Variants in NEXMIF observed in about 807,000 individuals in gnomAD.
NEXMIF encodes the protein neurite extension and migration factor.
A neutral mutation model predicts 62.1 loss-of-function variants in NEXMIF; 8 were observed. The observed-to-expected ratio is 0.13, with a 90% CI of 0.08 to 0.23. The LOEUF (loss-of-function observed/expected upper bound fraction) is 0.23, where lower values mean the gene tolerates loss of function less well. Among genes scored for constraint, NEXMIF ranks in the 10% least tolerant of loss-of-function variants. The pLI is 1.00. For synonymous variants in NEXMIF, 404 were observed against 416.6 expected (o/e 0.97, Z 0.37); for missense variants, 976 against 1,113.3 (o/e 0.88, Z 1.75).
intron 1 of NEXMIF, among the ~76,000 whole-genome samples, chrX:74,758,916 C>A (rs1039819947): frequency 8.9e-6 from 1 of 112,158 alleles, no homozygotes; most frequent in Non-Finnish European, 1.9e-5. Flanking sequence ...TGCATATATA[C>A]CCAGTAATGG....
At chrX:74,870,259 G>T (rs1344446164) in intron 1 of NEXMIF, among the ~76,000 whole-genome samples, 5 of 110,882 alleles carry the variant, frequency 4.5e-5, no homozygotes, top group African/African-American at 1.6e-4. Context: ...GGGGAAACTG[G>T]ATATCCATAT....
chrX:74,882,646 A>G (rs1373798350), intron 1 of NEXMIF, among the ~76,000 whole-genome samples: 1 of 112,160 alleles, frequency 8.9e-6, no homozygotes, highest in Admixed American at 9.4e-5. Flanking sequence ...CGAAGTGTCC[A>G]GGAAGCTCGA....
At chrX:74,836,458 T>C (rs2080456880) in intron 1 of NEXMIF, among the ~76,000 whole-genome samples, 1 of 111,980 alleles carries the variant, frequency 8.9e-6, no homozygotes, top group Non-Finnish European at 1.9e-5. Context: ...ACTAGGGTAT[T>C]GGTGCTGGTT....
chrX:74,919,736 T>C (rs2080820040), intron 1 of NEXMIF, among the ~76,000 whole-genome samples: 1 of 111,080 alleles, frequency 9.0e-6, no homozygotes, highest in South Asian at 3.9e-4. Flanking sequence ...TAACTCATCA[T>C]TTAGCATTAG....
chrX:74,841,214 C>CT (rs892321841), intron 1 of NEXMIF, among the ~76,000 whole-genome samples: 3 of 110,460 alleles, frequency 2.7e-5, no homozygotes, highest in African/African-American at 9.9e-5. Flanking sequence ...AGCTGTATTC[C>CT]TAGGTATTTT....
intron 1 of NEXMIF, among the ~76,000 whole-genome samples, chrX:74,850,479 G>A (rs1019539736): frequency 8.9e-6 from 1 of 111,985 alleles, no homozygotes; most frequent in African/African-American, 3.2e-5. Context: ...TGACAGGTAT[G>A]CTAGGCCTAC....
rs767736972 is a variant in NEXMIF at position 74,876,147 on chromosome X, C to T, written c.-48+48736G>A. On this transcript the variant is annotated intron_variant, in intron 1 of 3. Transcript: ENST00000055682. ...GCATTTAGTGCTATAAATTTCCCTCCACACACTGCTTTGAATGTGTCCCAG... is the reference window on the plus strand; with the variant it reads ...GCATTTAGTGCTATAAATTTCCCTCTACACACTGCTTTGAATGTGTCCCAG... Among the ~76,000 whole-genome samples the T allele has an allele frequency of 2.6e-3, 290 of 109,876 alleles. 3 individuals carry two copies. The highest frequency in any genetic ancestry group is 3.2e-3 in the Non-Finnish European group (170 of 52,583).
rs191317153 is a variant in NEXMIF at position 74,787,350 on chromosome X, A to G, written c.-47-41653T>C. On this transcript the variant is annotated intron_variant, in intron 1 of 3. Coordinates refer to ENST00000055682, the MANE Select transcript of NEXMIF (RefSeq NM_001008537.3). ...GACAGTGTCCCTTCTCTACTTGATC[A>G]ATACCTTCTTTGGCTACTGTTAAGA... Among the ~76,000 whole-genome samples, 339 of 111,059 alleles carry G rather than the reference A, an allele frequency of 3.1e-3. 2 individuals are homozygous for G. Among genetic ancestry groups the G allele is most frequent in the South Asian group, 9.6e-3 (25 of 2,611 alleles).
At chrX:74,853,245 C>T (rs1050193317) in intron 1 of NEXMIF, among the ~76,000 whole-genome samples, 2 of 109,900 alleles carry the variant, frequency 1.8e-5, no homozygotes, top group African/African-American at 6.6e-5. Flanking sequence ...AAAACATAAT[C>T]GGTTTTGTAC....
chrX:74,916,489 G>A (rs2080807333), intron 1 of NEXMIF, among the ~76,000 whole-genome samples: 1 of 111,240 alleles, frequency 9.0e-6, no homozygotes, highest in South Asian at 3.8e-4. Context: ...TGGATAAATG[G>A]GTTATCACGG....
intron 1 of NEXMIF, among the ~76,000 whole-genome samples, chrX:74,829,630 CT>C (rs1306816766): frequency 8.9e-6 from 1 of 111,875 alleles, no homozygotes; most frequent in African/African-American, 3.2e-5. Context: ...AACCTCCAAA[CT>C]GTTCTCCACA....
intron 1 of NEXMIF, among the ~76,000 whole-genome samples, chrX:74,838,648 G>A (rs1197509204): frequency 9.0e-6 from 1 of 111,598 alleles, no homozygotes; most frequent in East Asian, 2.8e-4. Context: ...AGCTTTTGCT[G>A]TGCTCCAAGG....
intron 1 of NEXMIF, among the ~76,000 whole-genome samples, chrX:74,915,819 A>G (rs1440547732): frequency 9.0e-6 from 1 of 111,558 alleles, no homozygotes; most frequent in East Asian, 2.8e-4. Flanking sequence ...CCTAGAAGCC[A>G]GAAAAGCAAG....
At chrX:74,874,997 C>A (rs966363374) in intron 1 of NEXMIF, among the ~76,000 whole-genome samples, 11 of 111,226 alleles carry the variant, frequency 9.9e-5, no homozygotes, top group Non-Finnish European at 1.9e-4. Context: ...CCTTCTCCTG[C>A]CTCATTGCCC....
chrX:74,902,557 G>A (rs2080752455), intron 1 of NEXMIF, among the ~76,000 whole-genome samples: 1 of 110,706 alleles, frequency 9.0e-6, no homozygotes, highest in Non-Finnish European at 1.9e-5. Context: ...TGTAAATGAG[G>A]TCCATTGTAG....
chrX:74,807,216 TC>T (rs1245261832), intron 1 of NEXMIF, among the ~76,000 whole-genome samples: 2 of 112,393 alleles, frequency 1.8e-5, no homozygotes, highest in African/African-American at 3.2e-5. Flanking sequence ...TTGATTTTTT[TC>T]ATCAGAGTTT....
At chrX:74,828,707 T>A (rs953735980) in intron 1 of NEXMIF, among the ~76,000 whole-genome samples, 1 of 112,247 alleles carries the variant, frequency 8.9e-6, no homozygotes, top group African/African-American at 3.2e-5. Context: ...ACAAATTAAG[T>A]TGAAATCACT....
intron 1 of NEXMIF, among the ~76,000 whole-genome samples, chrX:74,889,455 T>G (rs2080709466): frequency 8.9e-6 from 1 of 112,080 alleles, no homozygotes; most frequent in South Asian, 3.7e-4. Flanking sequence ...AACTTTTTAT[T>G]TATTTACTTA....
chrX:74,832,260 T>C (rs964402724), intron 1 of NEXMIF, among the ~76,000 whole-genome samples: 1 of 111,900 alleles, frequency 8.9e-6, no homozygotes, highest in Non-Finnish European at 1.9e-5. Flanking sequence ...GAGACTTTTA[T>C]TATGGTTTTG....
Sources: gnomAD v4.1 joint callset for allele counts (sites outside exome capture counted in the v4.1 genomes callset) on GRCh38, gnomAD v4.1.1 for gene constraint, MANE v1.5 for transcripts, NCBI Gene and HGNC (gene_info 2026-07-23, HGNC 2026-07-21) for gene names.